Variants in LRRIQ3 observed in about 807,000 individuals in gnomAD.
The protein encoded by LRRIQ3 is leucine-rich repeat and IQ domain-containing protein 3.
LRRIQ3 carries 75 observed loss-of-function variants against 59.3 expected under a neutral mutation model. The observed-to-expected ratio is 1.26, with a 90% CI of 1.05 to 1.53. LRRIQ3 has a LOEUF of 1.53. Among genes scored for constraint, LRRIQ3 ranks in the 40% most tolerant of loss-of-function variants. The pLI is 0.00. For synonymous variants in LRRIQ3, 250 were observed against 231.3 expected (o/e 1.08, Z -0.73); for missense variants, 831 against 710.0 (o/e 1.17, Z -1.94).
At chr1:74,161,561 G>C (rs1648659899) in intron 3 of LRRIQ3, among the ~76,000 whole-genome samples, 1 of 151,868 alleles carries the variant, frequency 6.6e-6, no homozygotes, top group South Asian at 2.1e-4. Context: ...GCAAGGGGAT[G>C]GGGGTAGAAG....
intron 4 of LRRIQ3, among the ~76,000 whole-genome samples, chr1:74,149,765 G>T (rs557410431): frequency 2.8e-4 from 43 of 151,994 alleles, no homozygotes; most frequent in African/African-American, 1.0e-3. Context: ...TGATATTCTA[G>T]CCTCTCTCTT....
At chr1:74,054,750 A>ATG (rs1029962197) in intron 6 of LRRIQ3, among the ~76,000 whole-genome samples, 1 of 145,740 alleles carries the variant, frequency 6.9e-6, no homozygotes, top group South Asian at 2.1e-4. Flanking sequence ...ATATATATAT[A>ATG]TATATATCTA....
chr1:74,027,113 T>C (rs1653540031), intron 7 of LRRIQ3, 144 bp from the exon 8 acceptor site: 3 of 542,550 alleles, frequency 5.5e-6, no homozygotes, highest in Non-Finnish European at 9.4e-6. Flanking sequence ...TTTATATAAC[T>C]TGGTTATATC....
chr1:74,135,459 C>T (rs1370018408), intron 4 of LRRIQ3, among the ~76,000 whole-genome samples: 5 of 151,858 alleles, frequency 3.3e-5, no homozygotes, highest in Admixed American at 2.6e-4. Context: ...TCTTCTCAAT[C>T]ACATGAAACA....
intron 7 of LRRIQ3, among the ~76,000 whole-genome samples, chr1:74,034,375 G>A (rs1040034637): frequency 2.0e-5 from 3 of 151,770 alleles, no homozygotes; most frequent in African/African-American, 7.3e-5. Flanking sequence ...ATTCTTATGT[G>A]CTCTGCAGGT....
chr1:74,153,993 G>A (rs541673729), intron 4 of LRRIQ3, among the ~76,000 whole-genome samples: 2 of 151,950 alleles, frequency 1.3e-5, no homozygotes, highest in Admixed American at 1.3e-4. Context: ...TGTAATCCCA[G>A]CACTTTGGGG....
intron 4 of LRRIQ3, among the ~76,000 whole-genome samples, chr1:74,145,281 G>GGGA (rs1647499153): frequency 6.6e-6 from 1 of 152,116 alleles, no homozygotes; most frequent in African/African-American, 2.4e-5. Flanking sequence ...ATTCATGACA[G>GGGA]CTGCAACAGA....
At chr1:74,056,610 A>G (rs1379831722) in intron 6 of LRRIQ3, among the ~76,000 whole-genome samples, 1 of 152,210 alleles carries the variant, frequency 6.6e-6, no homozygotes, top group Non-Finnish European at 1.5e-5. Flanking sequence ...ATGCAATCCC[A>G]TTTACAATAA....
intron 7 of LRRIQ3, among the ~76,000 whole-genome samples, chr1:74,029,988 A>G (rs942794252): frequency 2.0e-5 from 3 of 152,042 alleles, no homozygotes; most frequent in Non-Finnish European, 4.4e-5. Context: ...ATTTGCTCAG[A>G]GAGCCAAATC....
intron 6 of LRRIQ3, among the ~76,000 whole-genome samples, chr1:74,059,306 T>C (rs762530103): frequency 6.7e-6 from 1 of 148,216 alleles, no homozygotes; most frequent in Non-Finnish European, 1.5e-5. Context: ...ATCTAAAACA[T>C]CGTTGCCCAA....
chr1:74,165,102 C>A (rs1280666613), intron 3 of LRRIQ3, among the ~76,000 whole-genome samples: 3 of 151,434 alleles, frequency 2.0e-5, no homozygotes, highest in African/African-American at 7.3e-5. Flanking sequence ...TGATGCATCC[C>A]ACTTTTTTCT....
intron 4 of LRRIQ3, among the ~76,000 whole-genome samples, chr1:74,154,240 C>CAAAAAAAAAAAAAAAAAAAA (rs71078186): frequency 3.3e-4 from 19 of 57,276 alleles, no homozygotes; most frequent in South Asian, 7.6e-4. Context: ...GACTCCTTCT[C>CAAAAAAAAAAAAAAAAAAAA]AAAAAAAAAA....
At chr1:74,046,291 A>G (rs748933643) in intron 6 of LRRIQ3, among the ~76,000 whole-genome samples, 1 of 152,218 alleles carries the variant, frequency 6.6e-6, no homozygotes, top group Non-Finnish European at 1.5e-5. Flanking sequence ...CAGAGGCCTC[A>G]GAAATCATGC....
At chr1:74,113,271 C>G (rs1187000247) in intron 4 of LRRIQ3, among the ~76,000 whole-genome samples, 1 of 151,638 alleles carries the variant, frequency 6.6e-6, no homozygotes, top group African/African-American at 2.4e-5. Context: ...AACAGACCCA[C>G]AAAAAGTTGA....
chr1:74,156,159 C>T (rs1648313476), intron 3 of LRRIQ3, among the ~76,000 whole-genome samples: 1 of 152,164 alleles, frequency 6.6e-6, no homozygotes, highest in East Asian at 1.9e-4. Context: ...ACTTCTTGCT[C>T]ATATAGTTCA....
chr1:74,179,485 G>A (rs1162600141), intron 3 of LRRIQ3, among the ~76,000 whole-genome samples: 1 of 151,804 alleles, frequency 6.6e-6, no homozygotes, highest in African/African-American at 2.4e-5. Context: ...ATAATTGTGT[G>A]AACTCTTACA....
chr1:74,093,620 G>T (rs1646416965), intron 5 of LRRIQ3, among the ~76,000 whole-genome samples: 1 of 152,070 alleles, frequency 6.6e-6, no homozygotes, highest in South Asian at 2.1e-4. Context: ...ATTCAATATA[G>T]GAGTACTTCC....
At chr1:74,136,728 T>G (rs1647130341) in intron 4 of LRRIQ3, among the ~76,000 whole-genome samples, 1 of 151,972 alleles carries the variant, frequency 6.6e-6, no homozygotes, top group Non-Finnish European at 1.5e-5. Flanking sequence ...CTGTTCTTAG[T>G]AATTATTTTG....
chr1:74,180,199 T>C (rs1335742070), intron 3 of LRRIQ3: 1 of 151,874 alleles, frequency 6.6e-6, no homozygotes, highest in African/African-American at 2.4e-5. Flanking sequence ...TATGTTTTTT[T>C]CTTTTCTATT....
Sources: allele counts gnomAD v4.1 joint callset (sites outside exome capture counted in the v4.1 genomes callset), GRCh38; gene constraint gnomAD v4.1.1; transcripts MANE v1.5; gene names NCBI Gene and HGNC (gene_info 2026-07-23, HGNC 2026-07-21).